ZNF99: variants seen among roughly 807,000 people sequenced by gnomAD.
ZNF99 encodes the protein zinc finger protein 99, also known as zinc finger protein ENSP00000375192.
In ZNF99, 8 loss-of-function variants were observed where a neutral mutation model predicts 12.8. The ratio of observed to expected loss-of-function variants is 0.62; its 90% confidence interval spans 0.37 to 1.13. The LOEUF (loss-of-function observed/expected upper bound fraction) is 1.13, where lower values mean the gene tolerates loss of function less well. ZNF99 is among the 50% of genes most tolerant of loss of function. The pLI, the probability that ZNF99 is intolerant of heterozygous loss-of-function variation, is 0.02. For missense variants in ZNF99, 1,007 were observed against 1,006.2 expected (o/e 1.00, Z -0.01); for synonymous variants, 318 against 319.0 (o/e 1.00, Z 0.03).
At chr19:22,762,345 G>A (rs1282860504) in intron 3 of ZNF99, among the ~76,000 whole-genome samples, 3 of 151,984 alleles carry the variant, frequency 2.0e-5, no homozygotes, top group African/African-American at 7.2e-5. Flanking sequence ...GATCATTCAA[G>A]GCTACTATGA....
chr19:22,766,115 T>C (rs1306299454), intron 3 of ZNF99, among the ~76,000 whole-genome samples: 1 of 151,736 alleles, frequency 6.6e-6, no homozygotes, highest in African/African-American at 2.4e-5. Context: ...TGTTATGATA[T>C]TAAAACACAT....
In ZNF99 at chr19:22,759,194, T is replaced by C. The variant is rs1418575901; in HGVS notation, c.715A>G (p.Asn239Asp). 1.3e-6 allele frequency: 2 copies of C among 1,582,236 alleles called. No homozygotes were observed. The highest frequency in any genetic ancestry group is 1.7e-6 in the Non-Finnish European group (2 of 1,163,754). Residue 239 changes from asparagine (N) to aspartate (D), a missense_variant, in exon 4 of 4, where the codon AAC becomes GAC. Asn to Asp is a conservative substitution (Grantham distance 23). Transcript: ENST00000596209. ...CATTTAGTGAACATTGAAGAGATGT[T>C]AAAAGCTTTGCCACATTTCTTATAT... is the stretch of plus-strand genomic sequence containing the variant. ...YKYKKCGKAF[N>D]ISSMFTKCKI...
At chr19:22,783,123 C>A (rs540110483) in intron 1 of ZNF99, among the ~76,000 whole-genome samples, 1 of 151,932 alleles carries the variant, frequency 6.6e-6, no homozygotes, top group Admixed American at 6.5e-5. Context: ...CTACTAAAAA[C>A]ACAAAAATTA....
At chr19:22,779,463 G>A (rs1333831638) in intron 1 of ZNF99, among the ~76,000 whole-genome samples, 4 of 152,124 alleles carry the variant, frequency 2.6e-5, no homozygotes, top group South Asian at 2.1e-4. Flanking sequence ...GGCGGAGGTT[G>A]CAGTTGAGTC....
chr19:22,758,024 C>G lies in ZNF99; in HGVS notation c.1885G>C (p.Ala629Pro), dbSNP rs966867376. 1.9e-6 allele frequency: 3 copies of G among 1,610,496 alleles called. No individual in the cohort carries two copies. The highest frequency in any genetic ancestry group is 2.2e-5 in the East Asian group (1 of 44,698). Residue 629 changes from alanine to proline, a missense_variant, in exon 4 of 4, where the codon GCT becomes CCT. By Grantham distance (27) the Ala-to-Pro change is conservative (BLOSUM62 -1). Coordinates refer to ENST00000596209, the MANE Select transcript of ZNF99 (RefSeq NM_001080409.3). ...KPYKCEECGK[A>P]FSQSSTLRKH... is the part of the protein sequence containing the mutation. ...CTAAGGGTTGAGGACTGGCTAAAAG[C>G]TTTGCCACATTCTTCACATTTGTAG... is the stretch of plus-strand genomic sequence containing the variant.
rs572784213 is a variant in ZNF99, at chr19:22,761,029, G to A, written c.227-1347C>T. 9.2e-5 allele frequency among the ~76,000 whole-genome samples: 14 copies of A among 151,764 alleles called. No individual in the cohort carries two copies. In the East Asian group the frequency reaches 2.7e-3, roughly 29 times the overall value. ...GAAGACTGTAACAGGTAGCTTTTTT[G>A]ATGTACAAATTTTAATTAATTATTA... On this transcript the variant is annotated intron_variant, in intron 3 of 3. Coordinates refer to ENST00000596209, the MANE Select transcript of ZNF99 (RefSeq NM_001080409.3).
At chr19:22,769,746 G>A (rs1387471887) in intron 1 of ZNF99, among the ~76,000 whole-genome samples, 1 of 148,600 alleles carries the variant, frequency 6.7e-6, no homozygotes, top group Non-Finnish European at 1.5e-5. Context: ...GGGCGACAGA[G>A]CTAGACTCTG....
In ZNF99 at chr19:22,764,222, C is replaced by T. The variant is rs1344980231; in HGVS notation, c.226+4083G>A. Among the ~76,000 whole-genome samples the T allele has an allele frequency of 3.3e-5, 5 of 152,120 alleles. 1 individual carries two copies. The South Asian group carries it at 6.2e-4, about 19-fold the overall frequency. On this transcript the variant is annotated intron_variant, in intron 3 of 3. Transcript: ENST00000596209. The stretch of plus-strand genomic sequence containing the variant: ...GCGCCTGGCCAGGGACTCTTTTCAA[C>T]AAATGATGCTGGGATAATTGGCTAG...
chr19:22,770,235 C>A, intron 1 of ZNF99: 1 of 221,928 alleles, frequency 4.5e-6, no homozygotes, highest in Non-Finnish European at 9.0e-6. Context: ...TAGATATATG[C>A]AGAGAAAATC....
chr19:22,769,594 C>T (rs915971359), intron 1 of ZNF99, among the ~76,000 whole-genome samples: 2 of 151,730 alleles, frequency 1.3e-5, no homozygotes, highest in East Asian at 1.9e-4. Context: ...GGTGAAACCC[C>T]GTCTCTACTA....
chr19:22,780,244 G>C (rs538542559), intron 1 of ZNF99, among the ~76,000 whole-genome samples: 201 of 152,248 alleles, frequency 1.3e-3, no homozygotes, highest in African/African-American at 4.6e-3. Flanking sequence ...GTTTTTGAAA[G>C]TAAGTGTTCG....
chr19:22,754,924 G>C lies in ZNF99; in HGVS notation c.*2390C>G, dbSNP rs1568380960. The C allele has an allele frequency of 6.4e-5, 11 of 171,052 alleles. No homozygotes were observed. The highest frequency in any genetic ancestry group is 1.7e-4 in the East Asian group (1 of 5,726). The allele number at this position is 171,052 out of a possible 1,614,324, so 10.6% of individuals were successfully genotyped here. A position where few individuals can be genotyped will look rare whatever the true frequency, so the allele number is the denominator to read the frequency against. ...GTCTCTACTAAAAATACAAAATTAG[G>C]TGGGCGTGGTGGCACATGCCTATAG... On this transcript the variant is annotated 3_prime_UTR_variant, in exon 4 of 4. Coordinates refer to ENST00000596209, the MANE Select transcript of ZNF99 (RefSeq NM_001080409.3).
Position 22,759,024 on chromosome 19 carries a change from C to T in ZNF99, c.885G>A (p.Lys295=), listed in dbSNP as rs1568383662. Reference sequence around the variant, plus strand: ...TATGTCTAGTAAGGTGTGAGGATTGCTTAAAAGCTTTGCCACATTCTTCAC... The same window carrying T: ...TATGTCTAGTAAGGTGTGAGGATTGTTTAAAAGCTTTGCCACATTCTTCAC... ...YKCEECGKAF[K]QSSHLTRHKA... The change falls in exon 4 of 4, where the codon AAG becomes AAA. Residue 295 remains lysine (K), a synonymous_variant. Transcript: ENST00000596209. The T allele has an allele frequency of 3.1e-6, 5 of 1,613,168 alleles. No individual in the cohort carries two copies. Among genetic ancestry groups the T allele is most frequent in the African/African-American group, 2.7e-5 (2 of 74,806 alleles).
chr19:22,754,238 G>A lies in ZNF99; in HGVS notation c.*3076C>T, dbSNP rs1415735345. On this transcript the variant is annotated 3_prime_UTR_variant, in exon 4 of 4. Transcript: ENST00000596209. ...AAAAATTAGCTGGGCGTGGTGGCAG[G>A]CGCCTGCAATCCCAGCTGCTTGGGA... 2.3e-6 allele frequency: 1 copy of A among 438,968 alleles called. No homozygotes were observed. The highest frequency in any genetic ancestry group is 7.5e-4 in the Middle Eastern group (1 of 1,328). 27.2% of individuals were successfully genotyped at this position (438,968 alleles called of 1,614,324 possible). A position where few individuals can be genotyped will look rare whatever the true frequency, so the allele number is the denominator to read the frequency against.
At chr19:22,766,655 C>CTT (rs753101168) in intron 3 of ZNF99, among the ~76,000 whole-genome samples, 1 of 138,982 alleles carries the variant, frequency 7.2e-6, no homozygotes. Flanking sequence ...TTTCTTATTT[C>CTT]TTTTTTTTTT....
chr19:22,765,200 A>G (rs1276338703), intron 3 of ZNF99, among the ~76,000 whole-genome samples: 4 of 152,098 alleles, frequency 2.6e-5, no homozygotes, highest in South Asian at 2.1e-4. Flanking sequence ...GGATAAGATT[A>G]GAGGCTATCC....
At chr19:22,780,153 T>C (rs1973371588) in intron 1 of ZNF99, among the ~76,000 whole-genome samples, 1 of 152,090 alleles carries the variant, frequency 6.6e-6, no homozygotes, top group Admixed American at 6.6e-5. Flanking sequence ...TTTAATAACC[T>C]CCTTTTGCAG....
intron 1 of ZNF99, among the ~76,000 whole-genome samples, chr19:22,779,225 A>AAAATAAAT (rs3033417): frequency 1.3e-5 from 2 of 151,796 alleles, no homozygotes; most frequent in African/African-American, 4.8e-5. Flanking sequence ...TTCTCATTAA[A>AAAATAAAT]AAATAAATAA....
rs1405077073 is a variant in ZNF99, at chr19:22,754,638, T to TC, written c.*2675_*2676insG. 1 of 346,168 alleles carries TC rather than the reference T, an allele frequency of 2.9e-6. No individual in the cohort carries two copies. The highest frequency in any genetic ancestry group is 2.2e-5 in the African/African-American group (1 of 46,058). The allele number at this position is 346,168 out of a possible 1,614,324, so 21.4% of individuals were successfully genotyped here. A position where few individuals can be genotyped will look rare whatever the true frequency, so the allele number is the denominator to read the frequency against. On this transcript the variant is annotated 3_prime_UTR_variant, in exon 4 of 4. Coordinates refer to ENST00000596209, the MANE Select transcript of ZNF99 (RefSeq NM_001080409.3). The stretch of plus-strand genomic sequence containing the variant: ...AAGATGTGAGAAATGGTTACAGTGT[T>TC]TGCCACATTCTTCATATTTGTAGGG...
Sources: gnomAD v4.1 joint callset for allele counts (sites outside exome capture counted in the v4.1 genomes callset) on GRCh38, gnomAD v4.1.1 for gene constraint, MANE v1.5 for transcripts, NCBI Gene and HGNC (gene_info 2026-07-23, HGNC 2026-07-21) for gene names.